RS1: variants seen among roughly 807,000 people sequenced by gnomAD.
RS1 encodes the protein retinoschisin 1.
RS1 carries 2 observed loss-of-function variants against 20.8 expected under a neutral mutation model. The observed-to-expected ratio is 0.10, with a 90% CI of 0.04 to 0.30. The LOEUF (loss-of-function observed/expected upper bound fraction) is 0.30, where lower values mean the gene tolerates loss of function less well. RS1 is among the 10% of genes least tolerant of loss of function. The pLI is 1.00. For synonymous variants in RS1, 70 were observed against 75.8 expected, an observed-to-expected ratio of 0.92 and a Z score of 0.40; for missense variants, 151 against 189.8, an observed-to-expected ratio of 0.80 and a Z score of 1.20.
intron 3 of RS1, among the ~76,000 whole-genome samples, chrX:18,654,946 A>G (rs1416241796): frequency 8.9e-6 from 1 of 112,319 alleles, no homozygotes; most frequent in Non-Finnish European, 1.9e-5. Flanking sequence ...TTGTGAAGCT[A>G]TTATTAGGCA....
chrX:18,670,248 C>G (rs371338536), intron 1 of RS1, among the ~76,000 whole-genome samples: 38 of 75,991 alleles, frequency 5.0e-4, no homozygotes, highest in African/African-American at 1.8e-3. Context: ...TTTTTTGAGA[C>G]TGAGTCTCGC....
At chrX:18,671,717 C>T (rs1681661721) in intron 1 of RS1, among the ~76,000 whole-genome samples, 3 of 111,488 alleles carry the variant, frequency 2.7e-5, no homozygotes, top group Admixed American at 1.9e-4. Context: ...AAAAGTTTTC[C>T]AGAATATGCC....
intron 5 of RS1, among the ~76,000 whole-genome samples, chrX:18,643,594 A>G (rs1048605762): frequency 8.9e-6 from 1 of 111,996 alleles, no homozygotes; most frequent in Non-Finnish European, 1.9e-5. Context: ...TTAAATGTCC[A>G]AGTATCAAGA....
chrX:18,650,248 C>T (rs1331655699), intron 3 of RS1: 1 of 518,356 alleles, frequency 1.9e-6, no homozygotes, highest in Non-Finnish European at 3.4e-6. Context: ...GTGTGGCTCA[C>T]TCTGCGATCT....
chrX:18,658,381 A>T, intron 1 of RS1, among the ~76,000 whole-genome samples: 1 of 111,413 alleles, frequency 9.0e-6, no homozygotes, highest in Non-Finnish European at 1.9e-5. Context: ...AGAACTTGCT[A>T]TCTAAACAGT....
In RS1 at chrX:18,641,097, G is replaced by C. The variant is rs1368220596; in HGVS notation, c.*907C>G. 2.7e-5 allele frequency: 3 copies of C among 112,652 alleles called. No individual in the cohort carries two copies. The highest frequency in any genetic ancestry group is 5.6e-5 in the Non-Finnish European group (3 of 53,285). 9.3% of individuals were successfully genotyped at this position (112,652 alleles called of 1,213,427 possible). A position where few individuals can be genotyped will look rare whatever the true frequency, so the allele number is the denominator to read the frequency against. The stretch of plus-strand genomic sequence containing the variant: ...TAGCCAGCTAATGAGCCTCCTCTGA[G>C]TAGCCAGTGGTAGCTCCTGGGCCAG... On this transcript the variant is annotated 3_prime_UTR_variant, in exon 6 of 6. Transcript: ENST00000379984.
intron 4 of RS1, chrX:18,645,898 A>G: frequency 8.5e-7 from 1 of 1,170,950 alleles, no homozygotes; most frequent in East Asian, 3.0e-5. Flanking sequence ...CCCCCTAACC[A>G]AACTCTGGTC....
chrX:18,656,446 C>A (rs934041948), intron 3 of RS1, among the ~76,000 whole-genome samples: 1 of 111,951 alleles, frequency 8.9e-6, no homozygotes, highest in Non-Finnish European at 1.9e-5. Flanking sequence ...TTGTGAGATT[C>A]GAAGCTCAGA....
intron 5 of RS1, 40 bp from the exon 6 acceptor site, chrX:18,642,196 G>A (rs746482616): frequency 7.7e-6 from 9 of 1,175,062 alleles, no homozygotes; most frequent in South Asian, 1.8e-5. Flanking sequence ...TCACATCGGG[G>A]AGGGAAAAGG....
rs1479059566 is a variant in RS1, at chrX:18,647,158, G to C, written c.326+33C>G. ...TAGAGAGGCCTATTTTTTTTTAAAA[G>C]CACATGAAAAAAAATCCCCGGGCCC... On this transcript the variant is annotated intron_variant, in intron 4 of 5. Transcript: ENST00000379984. 4.1e-6 allele frequency: 5 copies of C among 1,206,154 alleles called. No individual in the cohort carries two copies. In the Admixed American group the frequency reaches 1.1e-4, roughly 26 times the overall value.
chrX:18,641,014 G>GA lies in RS1; in HGVS notation c.*989dup, dbSNP rs1022702275. The GA allele has an allele frequency of 9.8e-5, 11 of 112,723 alleles. No homozygotes were observed. The highest frequency in any genetic ancestry group is 3.5e-4 in the African/African-American group (11 of 31,041). 9.3% of individuals were successfully genotyped at this position (112,723 alleles called of 1,213,427 possible). On this transcript the variant is annotated 3_prime_UTR_variant, in exon 6 of 6. Coordinates refer to ENST00000379984, the MANE Select transcript of RS1 (RefSeq NM_000330.4). Reference sequence around the variant, plus strand: ...GGGTGGAGGGTGAGAAGCTTTCAGGGAAAAAGCTACATGGTCCTTTTTATG... The same window carrying GA: ...GGGTGGAGGGTGAGAAGCTTTCAGGGAAAAAAGCTACATGGTCCTTTTTATG...
In RS1 at chrX:18,656,716, C is replaced by A; in HGVS notation, c.121G>T (p.Asp41Tyr). 1.7e-6 allele frequency: 2 copies of A among 1,211,382 alleles called. No homozygotes were observed. Among genetic ancestry groups the A allele is most frequent in the Non-Finnish European group, 2.2e-6 (2 of 895,278 alleles). The change falls in exon 3 of 6, where the codon GAT (aspartate) becomes TAT (tyrosine). Residue 41 changes from aspartate (D) to tyrosine (Y), a missense_variant. Transcript: ENST00000379984. The part of the protein sequence containing the change: ...DPWYQKACKC[D>Y]CQGGPNALWS... ...AGAGCATTGGGTCCTCCTTGGCAATCGCACTTGCATGCTTTTTGGTACCAG... is the reference window on the plus strand; with the variant it reads ...AGAGCATTGGGTCCTCCTTGGCAATAGCACTTGCATGCTTTTTGGTACCAG...
In RS1 at chrX:18,672,032, G is replaced by T. The variant is rs767155536; in HGVS notation, c.37C>A (p.Leu13Ile). The change falls in exon 1 of 6, where the codon CTC becomes ATC. Residue 13 changes from leucine to isoleucine, a missense_variant. Leu to Ile is a conservative substitution (Grantham distance 5, BLOSUM62 2). Transcript: ENST00000379984. ...RKIEGFLLLL[L>I]FGYEATLGLS... is the part of the protein sequence containing the mutation. ...TAGCACATACCTTCATAGCCAAAGAGAAGTAATAACAAAAAGCCTTCTATC... is the reference window on the plus strand; with the variant it reads ...TAGCACATACCTTCATAGCCAAAGATAAGTAATAACAAAAAGCCTTCTATC... The T allele has an allele frequency of 1.7e-6, 2 of 1,210,357 alleles. No individual in the cohort carries two copies. Among genetic ancestry groups the T allele is most frequent in the Non-Finnish European group, 1.1e-6 (1 of 894,238 alleles).
chrX:18,648,423 G>A (rs1327268547), intron 3 of RS1, among the ~76,000 whole-genome samples: 1 of 109,790 alleles, frequency 9.1e-6, no homozygotes, highest in Non-Finnish European at 1.9e-5. Flanking sequence ...TGTATTTTTT[G>A]TAGAGACAGG....
At chrX:18,653,832 G>C (rs1352198292) in intron 3 of RS1, among the ~76,000 whole-genome samples, 1 of 110,027 alleles carries the variant, frequency 9.1e-6, no homozygotes, top group Non-Finnish European at 1.9e-5. Context: ...GCTGGGCGTG[G>C]TGGTGTGCAC....
intron 3 of RS1, 124 bp downstream of exon 3, chrX:18,656,528 AC>A: frequency 1.7e-6 from 1 of 580,150 alleles, no homozygotes; most frequent in Non-Finnish European, 3.1e-6. Flanking sequence ...ACACACAGCT[AC>A]CACTCATCTT....
At chrX:18,643,818 T>C (rs1488198892) in intron 5 of RS1, among the ~76,000 whole-genome samples, 8 of 108,197 alleles carry the variant, frequency 7.4e-5, no homozygotes. Context: ...AATTCATTTT[T>C]ATTCATAGCA....
chrX:18,650,010 T>C (rs920934685), intron 3 of RS1: 10 of 249,916 alleles, frequency 4.0e-5, no homozygotes, highest in African/African-American at 2.8e-4. Context: ...GGCTACTAGC[T>C]CTGAGAGAGT....
At chrX:18,653,935 T>G (rs1020849255) in intron 3 of RS1, among the ~76,000 whole-genome samples, 3 of 107,436 alleles carry the variant, frequency 2.8e-5, no homozygotes, top group African/African-American at 1.0e-4. Flanking sequence ...GCTACTGTAC[T>G]CCAGCCTGGG....
Sources: gnomAD v4.1 joint callset for allele counts (sites outside exome capture counted in the v4.1 genomes callset) on GRCh38, gnomAD v4.1.1 for gene constraint, MANE v1.5 for transcripts, NCBI Gene and HGNC (gene_info 2026-07-23, HGNC 2026-07-21) for gene names.